The following C2orf42 variants were observed in gnomAD, a reference collection of about 807,000 sequenced individuals.
The protein encoded by C2orf42 is chromosome 2 open reading frame 42.
Under a neutral mutation model 58.9 loss-of-function variants are expected in C2orf42, and 44 were observed. The observed-to-expected ratio is 0.75, with a 90% CI of 0.59 to 0.96. The LOEUF (loss-of-function observed/expected upper bound fraction) is 0.96. C2orf42 is among the 40% of genes least tolerant of loss of function. The pLI is 0.00. For missense variants in C2orf42, 630 were observed against 699.2 expected (o/e 0.90, Z 1.12); for synonymous variants, 239 against 265.4 (o/e 0.90, Z 0.97).
At chr2:70,172,132 G>C (rs1188091588) in intron 5 of C2orf42, among the ~76,000 whole-genome samples, 2 of 151,354 alleles carry the variant, frequency 1.3e-5, no homozygotes, top group African/African-American at 2.4e-5. Context: ...GCTGAGGCAG[G>C]AGAATCGCTT....
chr2:70,180,483 C>T (rs911305669), intron 3 of C2orf42, among the ~76,000 whole-genome samples: 2 of 151,406 alleles, frequency 1.3e-5, no homozygotes, highest in African/African-American at 2.4e-5. Context: ...TGGCAGGCGC[C>T]TGTAATCCCG....
intron 3 of C2orf42, among the ~76,000 whole-genome samples, chr2:70,180,066 T>TG (rs1674451731): frequency 2.0e-5 from 3 of 151,374 alleles, no homozygotes; most frequent in Middle Eastern, 6.8e-3. Flanking sequence ...CCGAGGCGGG[T>TG]GGATCACCTG....
intron 3 of C2orf42, among the ~76,000 whole-genome samples, chr2:70,180,632 T>G (rs200225745): frequency 1.1e-5 from 1 of 89,020 alleles, no homozygotes; most frequent in Non-Finnish European, 2.2e-5. Context: ...AAAAAAAAAA[T>G]CAAGAGATTC....
intron 5 of C2orf42, 102 bp from the exon 6 acceptor site, chr2:70,169,763 T>A (rs1673669532): frequency 1.6e-6 from 1 of 644,874 alleles, no homozygotes; most frequent in Admixed American, 2.6e-5. Flanking sequence ...TTTTTATTTT[T>A]ATTTTATTTT....
intron 5 of C2orf42, among the ~76,000 whole-genome samples, chr2:70,171,440 G>A (rs1341880127): frequency 6.6e-6 from 1 of 152,094 alleles, no homozygotes; most frequent in East Asian, 1.9e-4. Flanking sequence ...AGTGATGCAC[G>A]CACTGTGGGT....
intron 6 of C2orf42, among the ~76,000 whole-genome samples, chr2:70,167,431 G>C (rs1165035807): frequency 6.6e-6 from 1 of 151,692 alleles, no homozygotes; most frequent in African/African-American, 2.4e-5. Context: ...GGTCAAGTGA[G>C]TTCAGTCTTT....
At chr2:70,188,475 C>T (rs1675104966) in intron 1 of C2orf42, among the ~76,000 whole-genome samples, 1 of 152,206 alleles carries the variant, frequency 6.6e-6, no homozygotes, top group South Asian at 2.1e-4. Context: ...CAGGCGTGAG[C>T]CGCTATGCCT....
At chr2:70,158,887 C>T (rs934417249) in intron 9 of C2orf42, among the ~76,000 whole-genome samples, 4 of 147,662 alleles carry the variant, frequency 2.7e-5, no homozygotes, top group South Asian at 2.1e-4. Flanking sequence ...CCACCGCGCT[C>T]GGCCGAGTAT....
intron 6 of C2orf42, among the ~76,000 whole-genome samples, chr2:70,167,420 G>A (rs1673475853): frequency 6.6e-6 from 1 of 151,520 alleles, no homozygotes; most frequent in African/African-American, 2.4e-5. Flanking sequence ...TAAGGGGAGG[G>A]GGTCAAGTGA....
rs11357433 is a variant in C2orf42 at position 70,170,254 on chromosome 2, ATT to A, written c.1040-595_1040-594del. Among the ~76,000 whole-genome samples, 727 of 142,488 alleles carry A rather than the reference ATT, an allele frequency of 5.1e-3. 5 individuals carry two copies. The highest frequency in any genetic ancestry group is 0.017 in the African/African-American group (671 of 38,848). 93.5% of individuals were successfully genotyped at this position (142,488 alleles called of 152,430 possible). On this transcript the variant is annotated intron_variant, in intron 5 of 9. Transcript: ENST00000264434. Reference sequence around the variant, plus strand: ...ACTAAGTGAAATAAGATATTCTGGGATTTTTTTTTTTTTCTTCAGTCTCACTC... The same window carrying A: ...ACTAAGTGAAATAAGATATTCTGGGATTTTTTTTTTTCTTCAGTCTCACTC...
At chr2:70,183,270 C>T (rs1384178032) in intron 1 of C2orf42, among the ~76,000 whole-genome samples, 1 of 151,828 alleles carries the variant, frequency 6.6e-6, no homozygotes, top group Non-Finnish European at 1.5e-5. Flanking sequence ...GACCTCATTT[C>T]TATAAAAAAA....
chr2:70,171,224 C>G (rs576957124), intron 5 of C2orf42, among the ~76,000 whole-genome samples: 11 of 152,032 alleles, frequency 7.2e-5, no homozygotes, highest in Non-Finnish European at 1.6e-4. Context: ...TGCAGTGAGC[C>G]GAGATCATGC....
chr2:70,156,688 C>T (rs1672698389), intron 9 of C2orf42, among the ~76,000 whole-genome samples: 2 of 151,928 alleles, frequency 1.3e-5, no homozygotes, highest in South Asian at 2.1e-4. Context: ...AGTAAGACCT[C>T]GTCCCTACTA....
rs200454411 is a variant in C2orf42, at chr2:70,182,013, C to T, written c.-12-16G>A. Reference sequence around the variant, plus strand: ...TTCAGAGGCCCTACAAAAGACAATACATCCAACAGTATGAGTATACCTTCA... The same window carrying T: ...TTCAGAGGCCCTACAAAAGACAATATATCCAACAGTATGAGTATACCTTCA... On this transcript the variant is annotated splice_polypyrimidine_tract_variant and intron_variant, in intron 2 of 9. Transcript: ENST00000264434. 2.7e-4 allele frequency: 330 copies of T among 1,216,346 alleles called. No homozygotes were observed. The African/African-American group carries it at 4.2e-3, about 16-fold the overall frequency. 75.3% of individuals were successfully genotyped at this position (1,216,346 alleles called of 1,614,324 possible).
intron 6 of C2orf42, among the ~76,000 whole-genome samples, chr2:70,168,016 T>C (rs1041668574): frequency 5.3e-5 from 8 of 151,968 alleles, no homozygotes; most frequent in Non-Finnish European, 1.0e-4. Context: ...GTGGATCACC[T>C]GAGGTCAGGA....
intron 9 of C2orf42, among the ~76,000 whole-genome samples, chr2:70,150,874 T>C (rs1672266166): frequency 6.6e-6 from 1 of 152,102 alleles, no homozygotes; most frequent in African/African-American, 2.4e-5. Context: ...GCCTCCTGAG[T>C]AGCTGGGATT....
At chr2:70,162,125 C>A (rs1673088560) in intron 8 of C2orf42, among the ~76,000 whole-genome samples, 2 of 151,704 alleles carry the variant, frequency 1.3e-5, no homozygotes. Context: ...GATTCTCCTG[C>A]CTCAGCCTCC....
chr2:70,162,909 C>T (rs1256922169), intron 8 of C2orf42, among the ~76,000 whole-genome samples: 1 of 152,142 alleles, frequency 6.6e-6, no homozygotes, highest in Non-Finnish European at 1.5e-5. Flanking sequence ...ATCTTGTCCC[C>T]CAGGCTGGAG....
At chr2:70,151,577 T>C (rs1024725436) in intron 9 of C2orf42, among the ~76,000 whole-genome samples, 2 of 151,780 alleles carry the variant, frequency 1.3e-5, no homozygotes, top group African/African-American at 2.4e-5. Flanking sequence ...GAGGCTTCAG[T>C]GAGCCAAGAT....
Sources: allele counts gnomAD v4.1 joint callset (sites outside exome capture counted in the v4.1 genomes callset), GRCh38; gene constraint gnomAD v4.1.1; transcripts MANE v1.5; gene names NCBI Gene and HGNC (gene_info 2026-07-23, HGNC 2026-07-21).